The following CELF4 variants were observed in gnomAD, a reference collection of about 807,000 sequenced individuals.
The protein encoded by CELF4 is CUG-BP- and ETR-3-like factor 4.
In CELF4, 18 loss-of-function variants were observed where a neutral mutation model predicts 59.9. That is an observed-to-expected ratio of 0.30 (90% confidence interval 0.21 to 0.45). CELF4 has a LOEUF of 0.45. CELF4 is among the 20% of genes least tolerant of loss of function. The pLI is 1.00. For missense variants in CELF4, 456 were observed against 689.0 expected (o/e 0.66, Z 3.79); for synonymous variants, 261 against 267.1 (o/e 0.98, Z 0.22).
At chr18:37,452,134 C>T (rs953514249) in intron 2 of CELF4, among the ~76,000 whole-genome samples, 2 of 152,216 alleles carry the variant, frequency 1.3e-5, no homozygotes, top group Non-Finnish European at 2.9e-5. Context: ...GTACTCATCT[C>T]TGCCAGCAAT....
chr18:37,406,742 G>A lies in CELF4; in HGVS notation c.369+78783C>T, dbSNP rs2099391882. Among the ~76,000 whole-genome samples the A allele has an allele frequency of 2.0e-5, 3 of 152,312 alleles. No individual in the cohort carries two copies. The South Asian group carries it at 6.2e-4, about 32-fold the overall frequency. ...CTGTTATATGCAGCCTTTGAGTGCA[G>A]GGCCCTGTACTCATCAGATGCTCAG... On this transcript the variant is annotated intron_variant, in intron 2 of 12. Coordinates refer to ENST00000420428, the MANE Select transcript of CELF4 (RefSeq NM_020180.4).
chr18:37,345,459 G>A (rs1453031970), intron 2 of CELF4, among the ~76,000 whole-genome samples: 1 of 152,114 alleles, frequency 6.6e-6, no homozygotes. Flanking sequence ...GGGGTGGGGT[G>A]GGGGACACAG....
chr18:37,276,354 A>T (rs892064232), intron 3 of CELF4: 1 of 152,188 alleles, frequency 6.6e-6, no homozygotes, highest in African/African-American at 2.4e-5. Context: ...CCGGGGGCGT[A>T]TTCCTTCCCC....
chr18:37,507,250 AG>A (rs148437738), intron 1 of CELF4, among the ~76,000 whole-genome samples: 1 of 152,348 alleles, frequency 6.6e-6, no homozygotes, highest in African/African-American at 2.4e-5. Flanking sequence ...TGCTAGGAAC[AG>A]GGTGGGGAGG....
chr18:37,274,716 G>A (rs746828051), intron 5 of CELF4, 89 bp downstream of exon 5: 1 of 1,517,250 alleles, frequency 6.6e-7, no homozygotes, highest in South Asian at 1.2e-5. Flanking sequence ...CTGTCTCTTG[G>A]GGAGACTGGA....
chr18:37,533,776 G>C (rs1212881834), intron 1 of CELF4, among the ~76,000 whole-genome samples: 1 of 152,208 alleles, frequency 6.6e-6, no homozygotes, highest in African/African-American at 2.4e-5. Context: ...GGAGAAAGTG[G>C]GGAGCTGCAG....
chr18:37,550,638 C>G (rs1009405534), intron 1 of CELF4, among the ~76,000 whole-genome samples: 6 of 152,242 alleles, frequency 3.9e-5, no homozygotes, highest in Admixed American at 2.6e-4. Flanking sequence ...GGGAGCCCAG[C>G]AAAGAGATCA....
chr18:37,391,138 C>A (rs2154576844), intron 2 of CELF4, among the ~76,000 whole-genome samples: 1 of 152,156 alleles, frequency 6.6e-6, no homozygotes, highest in South Asian at 2.1e-4. Context: ...GGAGGGGTCC[C>A]TAAATCACAA....
chr18:37,400,828 A>G (rs2099317674), intron 2 of CELF4, among the ~76,000 whole-genome samples: 1 of 152,236 alleles, frequency 6.6e-6, no homozygotes, highest in South Asian at 2.1e-4. Context: ...TATGAGAGAA[A>G]TTAGGCCAAA....
At chr18:37,472,408 G>A (rs1019738401) in intron 2 of CELF4, among the ~76,000 whole-genome samples, 2 of 152,260 alleles carry the variant, frequency 1.3e-5, no homozygotes, top group Non-Finnish European at 2.9e-5. Context: ...CCAGGGGCCG[G>A]GGATGGATCA....
intron 2 of CELF4, among the ~76,000 whole-genome samples, chr18:37,357,525 G>T (rs1471287865): frequency 6.6e-6 from 1 of 152,252 alleles, no homozygotes; most frequent in Non-Finnish European, 1.5e-5. Context: ...CTAGGGCAGT[G>T]CAGAAGGGAA....
At chr18:37,477,973 C>T (rs2099855012) in intron 2 of CELF4, among the ~76,000 whole-genome samples, 1 of 152,130 alleles carries the variant, frequency 6.6e-6, no homozygotes, top group South Asian at 2.1e-4. Flanking sequence ...ATCAGGAATC[C>T]AGCCCCAGCC....
intron 1 of CELF4, among the ~76,000 whole-genome samples, chr18:37,533,516 G>C (rs907695751): frequency 5.3e-5 from 8 of 152,122 alleles, no homozygotes; most frequent in Admixed American, 2.0e-4. Flanking sequence ...ATGGCCATGT[G>C]GAGCCCCCAA....
intron 2 of CELF4, among the ~76,000 whole-genome samples, chr18:37,380,491 G>T (rs1339120644): frequency 1.3e-5 from 2 of 152,086 alleles, no homozygotes; most frequent in Non-Finnish European, 2.9e-5. Context: ...CTTCCACCTA[G>T]CATCCATTAT....
chr18:37,389,439 C>T (rs1020358972), intron 2 of CELF4, among the ~76,000 whole-genome samples: 2 of 152,210 alleles, frequency 1.3e-5, no homozygotes. Flanking sequence ...CACCATTACA[C>T]TGCTAATTTA....
intron 2 of CELF4, among the ~76,000 whole-genome samples, chr18:37,339,292 GTGTT>G (rs1389088628): frequency 1.3e-5 from 2 of 152,196 alleles, no homozygotes; most frequent in Non-Finnish European, 2.9e-5. Context: ...GGGAGGGAGA[GTGTT>G]TGTCCCCCAA....
At chr18:37,294,377 G>C (rs1371801919) in intron 3 of CELF4, among the ~76,000 whole-genome samples, 1 of 152,158 alleles carries the variant, frequency 6.6e-6, no homozygotes, top group Non-Finnish European at 1.5e-5. Context: ...CTCCCTTTCT[G>C]TCCAGCCAGC....
intron 2 of CELF4, among the ~76,000 whole-genome samples, chr18:37,427,876 C>T (rs1345052199): frequency 1.3e-5 from 2 of 152,226 alleles, no homozygotes; most frequent in East Asian, 1.9e-4. Context: ...GTCTCCCATA[C>T]AATGTTTTGC....
intron 3 of CELF4, among the ~76,000 whole-genome samples, chr18:37,314,786 C>A (rs2096805095): frequency 6.6e-6 from 1 of 152,158 alleles, no homozygotes; most frequent in African/African-American, 2.4e-5. Flanking sequence ...CTTCACCTGC[C>A]TACCTTGCTT....
Sources: gnomAD v4.1 joint callset for allele counts (sites outside exome capture counted in the v4.1 genomes callset) on GRCh38, gnomAD v4.1.1 for gene constraint, MANE v1.5 for transcripts, NCBI Gene and HGNC (gene_info 2026-07-23, HGNC 2026-07-21) for gene names.